Variants in CNOT9 observed in about 807,000 individuals in gnomAD.
The protein encoded by CNOT9 is CCR4-NOT transcription complex subunit 9.
A neutral mutation model predicts 37.4 loss-of-function variants in CNOT9; 8 were observed. The observed-to-expected ratio is 0.21, with a 90% CI of 0.13 to 0.39. CNOT9 has a LOEUF of 0.39. Among genes scored for constraint, CNOT9 ranks in the 10% least tolerant of loss-of-function variants. The pLI is 1.00. For missense variants in CNOT9, 154 were observed against 365.3 expected, an observed-to-expected ratio of 0.42 and a Z score of 4.71; for synonymous variants, 120 against 137.6, an observed-to-expected ratio of 0.87 and a Z score of 0.90.
intron 2 of CNOT9, chr2:218,581,127 C>T: frequency 2.2e-5 from 6 of 269,860 alleles, no homozygotes; most frequent in Non-Finnish European, 3.6e-5. Flanking sequence ...ACAATATATT[C>T]TATGGAAAAG....
rs1693834824 is a variant in CNOT9, at chr2:218,568,995, C to T, written c.24+17C>T. ...ACGGCTGCGGTGAGTGGCTGGGCCC[C>T]CAGGCTTGGAACCAGAATCCTTTCT... On this transcript the variant is annotated intron_variant, in intron 1 of 7. Coordinates refer to ENST00000273064, the MANE Select transcript of CNOT9 (RefSeq NM_005444.3). The T allele has an allele frequency of 6.2e-7, 1 of 1,611,314 alleles. No individual in the cohort carries two copies. Among genetic ancestry groups the T allele is most frequent in the Non-Finnish European group, 8.5e-7 (1 of 1,178,800 alleles).
intron 1 of CNOT9, among the ~76,000 whole-genome samples, chr2:218,573,195 G>A (rs1694056992): frequency 6.6e-6 from 1 of 151,904 alleles, no homozygotes; most frequent in Non-Finnish European, 1.5e-5. Flanking sequence ...GCATGCGCTT[G>A]TAATCCCAGC....
intron 5 of CNOT9, among the ~76,000 whole-genome samples, chr2:218,591,776 G>A (rs1297297438): frequency 1.3e-5 from 2 of 151,862 alleles, no homozygotes; most frequent in African/African-American, 2.4e-5. Context: ...AGAAAGAAAG[G>A]CCTTACTTCA....
chr2:218,577,714 G>A (rs1331271662), intron 1 of CNOT9, among the ~76,000 whole-genome samples: 1 of 152,180 alleles, frequency 6.6e-6, no homozygotes, highest in East Asian at 1.9e-4. Context: ...AGGGCAAGAT[G>A]GGGTACAAGG....
intron 7 of CNOT9, 82 bp from the exon 8 acceptor site, chr2:218,594,026 C>T: frequency 7.4e-7 from 1 of 1,347,460 alleles, no homozygotes; most frequent in Non-Finnish European, 1.0e-6. Context: ...ATATTTATGT[C>T]TAAGAAGGGG....
intron 5 of CNOT9, among the ~76,000 whole-genome samples, chr2:218,589,048 T>C (rs1421763538): frequency 6.6e-6 from 1 of 152,190 alleles, no homozygotes. Context: ...TTTGATTTTT[T>C]TCAAGGTTAC....
At chr2:218,587,492 T>G in intron 4 of CNOT9, 94 bp from the exon 5 acceptor site, 1 of 1,346,134 alleles carries the variant, frequency 7.4e-7, no homozygotes, top group Non-Finnish European at 9.6e-7. Flanking sequence ...GTTCTGTTAT[T>G]TAAGTTCACA....
rs1489429363 is a variant in CNOT9 at position 218,587,595 on chromosome 2, T to G, written c.440T>G (p.Val147Gly). 5 of 1,597,798 alleles carry G rather than the reference T, an allele frequency of 3.1e-6. No homozygotes were observed. The highest frequency in any genetic ancestry group is 4.3e-6 in the Non-Finnish European group (5 of 1,172,598). ...LTSLGVIGALVKTDEQEVINF... is the reference protein window; with the variant it reads ...LTSLGVIGALGKTDEQEVINF... ...TCCTTATTTTCTTTAGGGGCCCTGG[T>G]GAAAACAGATGAACAAGAAGTAATC... The change falls in exon 5 of 8, where the codon GTG (valine) becomes GGG (glycine). Residue 147 changes from valine to glycine, a missense_variant. Physicochemically the swap from Val to Gly is moderately radical, Grantham distance 109. This residue lies in a region of CNOT9 where 117 missense variants were observed against 325.4 expected (regional missense o/e 0.36). Transcript: ENST00000273064.
Position 218,592,292 on chromosome 2 carries a change from G to C in CNOT9, c.541-12G>C, listed in dbSNP as rs1694806493. On this transcript the variant is annotated splice_polypyrimidine_tract_variant and intron_variant, in intron 5 of 7. Transcript: ENST00000273064. This position sits in a 1 kb window ranked among gnomAD's most constrained non-coding sequence, Gnocchi z 4.1. ...GCAACTTTATAAACTCTTCGATTTT[G>C]TTTTGCTTCAGGTTGCCACATTCAT... 1 of 1,597,462 alleles carries C rather than the reference G, an allele frequency of 6.3e-7. No homozygotes were observed. Among genetic ancestry groups the C allele is most frequent in the East Asian group, 2.2e-5 (1 of 44,794 alleles).
rs1332381182 is a variant in CNOT9 at position 218,596,330 on chromosome 2, G to T, written c.*2054G>T. The T allele has an allele frequency of 6.6e-6, 1 of 152,072 alleles. No homozygotes were observed. Among genetic ancestry groups the T allele is most frequent in the Non-Finnish European group, 1.5e-5 (1 of 68,018 alleles). The allele number at this position is 152,072 out of a possible 1,614,324, so 9.4% of individuals were successfully genotyped here. A position where few individuals can be genotyped will look rare whatever the true frequency, so the allele number is the denominator to read the frequency against. On this transcript the variant is annotated 3_prime_UTR_variant, in exon 8 of 8. Coordinates refer to ENST00000273064, the MANE Select transcript of CNOT9 (RefSeq NM_005444.3). ...GTATTATTCATTGTAGTTGATCCTG[G>T]TGTGTGTATTATATAAAGAGACCCC...
intron 1 of CNOT9, among the ~76,000 whole-genome samples, chr2:218,571,298 T>C (rs1483223429): frequency 6.6e-6 from 1 of 152,156 alleles, no homozygotes; most frequent in Non-Finnish European, 1.5e-5. Context: ...GTGCCCATAG[T>C]CCCAGCTACT....
intron 7 of CNOT9, chr2:218,593,389 T>C (rs956931593): frequency 4.0e-6 from 2 of 494,672 alleles, no homozygotes; most frequent in African/African-American, 1.9e-5. Context: ...TATCCTGTTC[T>C]TCAGTGGTTC....
At chr2:218,585,507 A>G (rs1392397979) in intron 4 of CNOT9, among the ~76,000 whole-genome samples, 1 of 150,368 alleles carries the variant, frequency 6.7e-6, no homozygotes, top group African/African-American at 2.4e-5. Flanking sequence ...TGGGAGGTGG[A>G]GATGCAGTGA....
chr2:218,594,503 C>A lies in CNOT9; in HGVS notation c.*227C>A. The A allele has an allele frequency of 1.8e-6, 1 of 546,736 alleles. No individual in the cohort carries two copies. The highest frequency in any genetic ancestry group is 2.4e-5 in the South Asian group (1 of 41,878). The allele number at this position is 546,736 out of a possible 1,614,324, so 33.9% of individuals were successfully genotyped here. A position where few individuals can be genotyped will look rare whatever the true frequency, so the allele number is the denominator to read the frequency against. On this transcript the variant is annotated 3_prime_UTR_variant, in exon 8 of 8. Transcript: ENST00000273064. ...ACTCCCAGGAAATGGGCTCCTGACA[C>A]AGCAGTCTGCCACCACAGCCCCAGG...
intron 1 of CNOT9, among the ~76,000 whole-genome samples, chr2:218,572,259 T>G (rs931766625): frequency 1.3e-5 from 2 of 152,036 alleles, no homozygotes; most frequent in African/African-American, 2.4e-5. Flanking sequence ...ATGTGGAGGT[T>G]GCAGTGAGCC....
In CNOT9 at chr2:218,596,903, A is replaced by G. The variant is rs1314332733; in HGVS notation, c.*2627A>G. Reference sequence around the variant, plus strand: ...CCTATGCTTCCACGTTCTTTTTTCAAGAGCCTTAGAGGGCCTGTGGCCTGT... The same window carrying G: ...CCTATGCTTCCACGTTCTTTTTTCAGGAGCCTTAGAGGGCCTGTGGCCTGT... On this transcript the variant is annotated 3_prime_UTR_variant, in exon 8 of 8. Transcript: ENST00000273064. 6.6e-6 allele frequency: 1 copy of G among 152,174 alleles called. No homozygotes were observed. The highest frequency in any genetic ancestry group is 2.4e-5 in the African/African-American group (1 of 41,426). 9.4% of individuals were successfully genotyped at this position (152,174 alleles called of 1,614,324 possible).
intron 1 of CNOT9, among the ~76,000 whole-genome samples, chr2:218,577,730 A>G (rs952707050): frequency 2.0e-5 from 3 of 152,216 alleles, no homozygotes; most frequent in African/African-American, 7.2e-5. Context: ...CAAGGTGCCA[A>G]CTGCAAGTCA....
chr2:218,589,037 AT>A (rs1252668625), intron 5 of CNOT9, among the ~76,000 whole-genome samples: 1 of 151,414 alleles, frequency 6.6e-6, no homozygotes, highest in Non-Finnish European at 1.5e-5. Context: ...ATTTCATATT[AT>A]TTGATTTTTT....
chr2:218,581,734 C>T lies in CNOT9; in HGVS notation c.204+994C>T, dbSNP rs142185820. On this transcript the variant is annotated intron_variant, in intron 2 of 7. Transcript: ENST00000273064. ...ATCTCTATTGCATTTAGCCAAGAAACTGATCTTTGTTATGGGAACGTTTTT... is the reference window on the plus strand; with the variant it reads ...ATCTCTATTGCATTTAGCCAAGAAATTGATCTTTGTTATGGGAACGTTTTT... 4.0e-4 allele frequency among the ~76,000 whole-genome samples: 61 copies of T among 152,260 alleles called. No individual in the cohort carries two copies. In the East Asian group the frequency reaches 8.3e-3, roughly 21 times the overall value.
Sources: allele counts gnomAD v4.1 joint callset (sites outside exome capture counted in the v4.1 genomes callset), GRCh38; gene constraint gnomAD v4.1.1; regional missense constraint gnomAD v4.1.1; non-coding constraint Gnocchi (gnomAD v3.1); transcripts MANE v1.5; gene names NCBI Gene and HGNC (gene_info 2026-07-23, HGNC 2026-07-21).